The following ITGAE variants were observed in gnomAD, a reference collection of about 807,000 sequenced individuals.
The protein encoded by ITGAE is integrin alpha-E.
ITGAE carries 99 observed loss-of-function variants against 136.5 expected under a neutral mutation model. The ratio of observed to expected loss-of-function variants is 0.73; its 90% confidence interval spans 0.62 to 0.86. The LOEUF (loss-of-function observed/expected upper bound fraction) is 0.86. Ranked by LOEUF, ITGAE falls within the 40% of genes least tolerant of loss-of-function variation. The pLI, the probability that ITGAE is intolerant of heterozygous loss-of-function variation, is 0.00. For synonymous variants in ITGAE, 613 were observed against 591.8 expected, an observed-to-expected ratio of 1.04 and a Z score of -0.52; for missense variants, 1,447 against 1,515.3, an observed-to-expected ratio of 0.95 and a Z score of 0.75.
intron 2 of ITGAE, among the ~76,000 whole-genome samples, chr17:3,765,218 G>A (rs220474): frequency 0.076 from 11,540 of 151,604 alleles, 474 homozygotes; most frequent in Non-Finnish European, 0.1. Flanking sequence ...GCGTGGTGGC[G>A]GGTGCCTGTA....
chr17:3,765,966 TC>T lies in ITGAE; in HGVS notation c.156-2007del, dbSNP rs372084649. Among the ~76,000 whole-genome samples the T allele has an allele frequency of 4.9e-4, 75 of 152,240 alleles. 2 individuals are homozygous for T. The highest frequency in any genetic ancestry group is 1.6e-3 in the African/African-American group (66 of 41,536). On this transcript the variant is annotated intron_variant, in intron 2 of 30. Coordinates refer to ENST00000263087, the MANE Select transcript of ITGAE (RefSeq NM_002208.5). The stretch of plus-strand genomic sequence containing the variant: ...CCCCCCAAAGAAGGCCACGTCCTAA[TC>T]CCCAGAACCTGTGAATATGTTGCCT...
At chr17:3,781,293 C>G (rs960539723) in intron 1 of ITGAE, among the ~76,000 whole-genome samples, 1 of 151,916 alleles carries the variant, frequency 6.6e-6, no homozygotes. Context: ...CAGGCTATTT[C>G]TTTTCATCCA....
chr17:3,791,776 C>T (rs993295512), intron 1 of ITGAE, among the ~76,000 whole-genome samples: 5 of 152,112 alleles, frequency 3.3e-5, no homozygotes, highest in East Asian at 3.8e-4. Context: ...AGCTCCCAGA[C>T]GATGCTCTCA....
intron 2 of ITGAE, among the ~76,000 whole-genome samples, chr17:3,777,313 G>A (rs1225517827): frequency 6.6e-6 from 1 of 152,214 alleles, no homozygotes; most frequent in East Asian, 1.9e-4. Flanking sequence ...GCAGGGAGAG[G>A]CCCAGTGAGG....
At chr17:3,739,508 T>C (rs773070714) in intron 20 of ITGAE, among the ~76,000 whole-genome samples, 19 of 152,080 alleles carry the variant, frequency 1.2e-4, no homozygotes, top group Non-Finnish European at 2.1e-4. Flanking sequence ...GAACGCTGGG[T>C]TCTGAATATA....
Position 3,729,501 on chromosome 17 carries a change from A to T in ITGAE, c.2889T>A (p.His963Gln). 2 of 1,611,898 alleles carry T rather than the reference A, an allele frequency of 1.2e-6. No homozygotes were observed. The highest frequency in any genetic ancestry group is 1.7e-6 in the Non-Finnish European group (2 of 1,177,926). ...ANETHTLQFR[H>Q]GFVAVLSKPS... ...ACTTGGACAGAACTGCAACGAAGCC[A>T]TGCCTGAATTGAAGGGTGTGGGTCT... The change falls in exon 24 of 31, where the codon CAT (histidine) becomes CAA (glutamine). Residue 963 changes from histidine (H) to glutamine (Q), a missense_variant. This residue lies in a region of ITGAE where 1,031 missense variants were observed against 1,011.4 expected (regional missense o/e 1.02). Transcript: ENST00000263087.
chr17:3,754,543 C>CTACT (rs1187635101), intron 12 of ITGAE: 3 of 157,102 alleles, frequency 1.9e-5, no homozygotes, highest in African/African-American at 7.2e-5. Flanking sequence ...CAGGCGTGAG[C>CTACT]TACTGCACCA....
chr17:3,740,491 C>T (rs1251193695), intron 19 of ITGAE, among the ~76,000 whole-genome samples: 1 of 152,232 alleles, frequency 6.6e-6, no homozygotes, highest in Non-Finnish European at 1.5e-5. Context: ...ATTCTCCTGC[C>T]TCAGCCTCCC....
intron 26 of ITGAE, chr17:3,725,252 C>T: frequency 6.2e-7 from 1 of 1,614,208 alleles, no homozygotes; most frequent in South Asian, 1.1e-5. Flanking sequence ...GGCACTCCTC[C>T]TCTATGTATT....
rs1193654119 is a variant in ITGAE at position 3,787,444 on chromosome 17, C to T, written c.35-9784G>A. Among the ~76,000 whole-genome samples the T allele has an allele frequency of 3.3e-5, 5 of 152,096 alleles. No homozygotes were observed. In the East Asian group the frequency reaches 7.7e-4, roughly 24 times the overall value. On this transcript the variant is annotated intron_variant, in intron 1 of 30. Transcript: ENST00000263087. ...TCTTTAATCTGATGAAGAATTAAAG[C>T]GGTGGGGTCTAGCTATGTTGCCCAG...
At chr17:3,760,430 CTTTTT>C (rs1208333239) in intron 6 of ITGAE, 143 bp from the exon 7 acceptor site, 87 of 64,176 alleles carry the variant, frequency 1.4e-3, no homozygotes, top group Middle Eastern at 0.011. Context: ...AAGAGGGAAG[CTTTTT>C]TTTTTTTTTT....
rs1340631490 is a variant in ITGAE at position 3,745,941 on chromosome 17, C to A, written c.2156-14G>T. 10 of 1,609,290 alleles carry A rather than the reference C, an allele frequency of 6.2e-6. No individual in the cohort carries two copies. Among genetic ancestry groups the A allele is most frequent in the Non-Finnish European group, 8.5e-6 (10 of 1,177,500 alleles). ...CCTCGCGGAGGCCTGGGAATGAAGA[C>A]CAGACCTTCCCGATGAGGTGGGGAT... On this transcript the variant is annotated splice_polypyrimidine_tract_variant and intron_variant, in intron 17 of 30. Coordinates refer to ENST00000263087, the MANE Select transcript of ITGAE (RefSeq NM_002208.5).
intron 1 of ITGAE, among the ~76,000 whole-genome samples, chr17:3,792,309 G>A (rs1319353174): frequency 3.3e-5 from 5 of 152,026 alleles, no homozygotes; most frequent in East Asian, 1.9e-4. Flanking sequence ...TTTAGTAGAG[G>A]TGGGGTTTCA....
intron 2 of ITGAE, among the ~76,000 whole-genome samples, chr17:3,769,545 A>C (rs2052372309): frequency 6.6e-6 from 1 of 152,216 alleles, no homozygotes; most frequent in Middle Eastern, 3.2e-3. Context: ...CGTGGCTGAC[A>C]AACCATTGAC....
At position 3,729,567 on chromosome 17, in the gene ITGAE, AGTGTTAGTTCAT is replaced by A; in HGVS notation, c.2835-24_2835-13del. On this transcript the variant is annotated splice_polypyrimidine_tract_variant and intron_variant, in intron 23 of 30. Transcript: ENST00000263087. ...GTCTTTCATTGGAACTAGGAATAAG[AGTGTTAGTTCAT>A]AGCACACCTGCTTTGTACATAGCAA... is the stretch of plus-strand genomic sequence containing the variant. 6.6e-7 allele frequency: 1 copy of A among 1,525,386 alleles called. No homozygotes were observed. The allele number at this position is 1,525,386 out of a possible 1,614,324, so 94.5% of individuals were successfully genotyped here.
intron 2 of ITGAE, among the ~76,000 whole-genome samples, chr17:3,774,418 A>C (rs2052493426): frequency 6.6e-6 from 1 of 152,094 alleles, no homozygotes; most frequent in Admixed American, 6.6e-5. Context: ...TAACAGCAAT[A>C]CGTAATACAT....
intron 25 of ITGAE, 38 bp from the exon 26 acceptor site, chr17:3,728,064 A>C (rs1469005980): frequency 6.3e-7 from 1 of 1,593,488 alleles, no homozygotes; most frequent in South Asian, 1.1e-5. Flanking sequence ...CAAAGCTGGT[A>C]TTGCTTTGCC....
chr17:3,785,107 G>GT (rs768387991), intron 1 of ITGAE, among the ~76,000 whole-genome samples: 19 of 152,020 alleles, frequency 1.2e-4, no homozygotes, highest in Non-Finnish European at 2.1e-4. Context: ...AGCCAAGATT[G>GT]TATCACTGCA....
At chr17:3,739,780 A>G in intron 20 of ITGAE, 25 bp downstream of exon 20, 1 of 1,604,388 alleles carries the variant, frequency 6.2e-7, no homozygotes, top group Non-Finnish European at 8.5e-7. Flanking sequence ...TTAATCGAGG[A>G]AACTGACGGC....
Sources: gnomAD v4.1 joint callset for allele counts (sites outside exome capture counted in the v4.1 genomes callset) on GRCh38, gnomAD v4.1.1 for gene constraint, gnomAD v4.1.1 regional missense constraint, MANE v1.5 for transcripts, NCBI Gene and HGNC (gene_info 2026-07-23, HGNC 2026-07-21) for gene names.